Variants in BICRA observed in about 807,000 individuals in gnomAD.
BICRA encodes the protein BRD4 interacting chromatin remodeling complex associated protein.
A neutral mutation model predicts 96.9 loss-of-function variants in BICRA; 31 were observed. The ratio of observed to expected loss-of-function variants is 0.32; its 90% CI spans 0.24 to 0.43. BICRA has a LOEUF of 0.43. BICRA is among the 20% of genes least tolerant of loss of function. The pLI is 1.00. For missense variants in BICRA, 2,283 were observed against 2,190.3 expected (o/e 1.04, Z -0.84); for synonymous variants, 1,350 against 1,071.8 (o/e 1.26, Z -5.07).
chr19:47,701,358 G>T lies in BICRA; in HGVS notation c.3626G>T (p.Gly1209Val). 6.2e-7 allele frequency: 1 copy of T among 1,611,482 alleles called. No homozygotes were observed. Reference protein sequence around the residue: ...DEYVSSSRSLGLPIAASSEGH... With the variant: ...DEYVSSSRSLVLPIAASSEGH... Reference sequence around the variant, plus strand: ...TACGTGTCTTCCTCCCGCTCGCTCGGCCTCCCCATCGCAGCCTCTTCCGAG... The same window carrying T: ...TACGTGTCTTCCTCCCGCTCGCTCGTCCTCCCCATCGCAGCCTCTTCCGAG... Residue 1209 changes from glycine (G) to valine (V), a missense_variant, in exon 15 of 15, where the codon GGC becomes GTC. Coordinates refer to ENST00000594866, the MANE Select transcript of BICRA (RefSeq NM_001394372.1). This position sits in a 1 kb window ranked among gnomAD's most constrained non-coding sequence, Gnocchi z 5.4.
At chr19:47,635,083 T>A (rs191404864) in intron 1 of BICRA, among the ~76,000 whole-genome samples, 205 of 152,056 alleles carry the variant, frequency 1.3e-3, no homozygotes, top group African/African-American at 4.7e-3. Context: ...GCTTTTAGAA[T>A]AATGCCTGAT....
chr19:47,641,856 A>G (rs1456222055), intron 1 of BICRA, among the ~76,000 whole-genome samples: 3 of 151,990 alleles, frequency 2.0e-5, no homozygotes, highest in African/African-American at 7.2e-5. Context: ...CTTTCCATTT[A>G]TTTGTGTCTT....
At chr19:47,608,508 G>A (rs945894929), upstream of BICRA, 1 of 152,222 alleles carries the variant, frequency 6.6e-6, no homozygotes, top group Non-Finnish European at 1.5e-5. Context: ...CCGCCTCAGG[G>A]GACGCGCCCA....
Position 47,680,388 on chromosome 19 carries a change from C to T in BICRA, c.1218C>T (p.Gly406=), listed in dbSNP as rs751290699. 4 of 1,532,370 alleles carry T rather than the reference C, an allele frequency of 2.6e-6. No individual in the cohort carries two copies. In the East Asian group the frequency reaches 9.8e-5, roughly 38 times the overall value. The allele number at this position is 1,532,370 out of a possible 1,614,324, so 94.9% of individuals were successfully genotyped here. A position where few individuals can be genotyped will look rare whatever the true frequency, so the allele number is the denominator to read the frequency against. ...CGTTCATGGCGGCGGGGAAGGCGGG[C>T]CAGAACGTGGTGCTGTCGGGCTTCC... ...NLTFMAAGKA[G]QNVVLSGFPA... is the part of the protein sequence containing the mutation. The change falls in exon 6 of 15, where the codon GGC becomes GGT. Residue 406 remains glycine (G), a synonymous_variant. Transcript: ENST00000594866.
intron 1 of BICRA, among the ~76,000 whole-genome samples, chr19:47,635,064 A>G (rs924116496): frequency 3.3e-5 from 5 of 152,162 alleles, no homozygotes; most frequent in Admixed American, 6.6e-5. Flanking sequence ...TCCTGGCCAC[A>G]TACGTAAAGC....
intron 1 of BICRA, among the ~76,000 whole-genome samples, chr19:47,654,770 T>C (rs910885535): frequency 1.4e-5 from 2 of 144,464 alleles, no homozygotes; most frequent in Non-Finnish European, 3.0e-5. Flanking sequence ...CTGGGCAACA[T>C]AGCAAGACTC....
chr19:47,611,966 G>T (rs908287562), intron 1 of BICRA, among the ~76,000 whole-genome samples: 4 of 151,832 alleles, frequency 2.6e-5, no homozygotes, highest in Middle Eastern at 3.2e-3. Context: ...TGCCTCCCAG[G>T]TTCAAGCGAT....
intron 1 of BICRA, among the ~76,000 whole-genome samples, chr19:47,654,411 G>T (rs555747970): frequency 2.0e-5 from 3 of 151,086 alleles, no homozygotes; most frequent in South Asian, 2.1e-4. Context: ...TCCTGCCCAA[G>T]AAATTAAAAA....
At chr19:47,685,947 GTTTT>G (rs57184017) in intron 7 of BICRA, among the ~76,000 whole-genome samples, 1 of 138,640 alleles carries the variant, frequency 7.2e-6, no homozygotes, top group Non-Finnish European at 1.6e-5. Context: ...ATAAGAATTT[GTTTT>G]TTTTTTTTTT....
At chr19:47,696,853 G>A (rs1312623442) in intron 11 of BICRA, among the ~76,000 whole-genome samples, 2 of 152,048 alleles carry the variant, frequency 1.3e-5, no homozygotes, top group Admixed American at 6.6e-5. Context: ...TGATGGGTGG[G>A]GGAAGTGAGT....
At chr19:47,622,122 A>C (rs1972073860) in intron 1 of BICRA, among the ~76,000 whole-genome samples, 1 of 151,936 alleles carries the variant, frequency 6.6e-6, no homozygotes. Flanking sequence ...CTGCACCACC[A>C]TGCCCAGCTA....
chr19:47,644,682 G>A (rs1972434049), intron 1 of BICRA, among the ~76,000 whole-genome samples: 2 of 151,924 alleles, frequency 1.3e-5, no homozygotes, highest in Non-Finnish European at 2.9e-5. Context: ...TGTATTTTTA[G>A]TAGAGATGAG....
At chr19:47,631,753 A>G (rs2914011) in intron 1 of BICRA, among the ~76,000 whole-genome samples, 27,865 of 152,048 alleles carry the variant, frequency 0.18, 2,938 homozygotes, top group Middle Eastern at 0.25. Flanking sequence ...GGTTCAAGCA[A>G]TTCTCCTGAC....
In BICRA at chr19:47,681,041, C is replaced by A. The variant is rs763451029; in HGVS notation, c.1871C>A (p.Ala624Asp). The A allele has an allele frequency of 1.4e-6, 2 of 1,413,824 alleles. No homozygotes were observed. The highest frequency in any genetic ancestry group is 3.0e-5 in the East Asian group (1 of 33,458). 87.6% of individuals were successfully genotyped at this position (1,413,824 alleles called of 1,614,324 possible). ...GCGCCTGTCCTCACGGTGCAGCCTG[C>A]CCCCCAGGCGCCCCCCGCGGTCAGC... is the stretch of plus-strand genomic sequence containing the variant. ...EAAPVLTVQPAPQAPPAVSTP... is the reference protein window; with the variant it reads ...EAAPVLTVQPDPQAPPAVSTP... Residue 624 changes from alanine to aspartate, a missense_variant, in exon 6 of 15, where the codon GCC becomes GAC. Coordinates refer to ENST00000594866, the MANE Select transcript of BICRA (RefSeq NM_001394372.1).
chr19:47,673,809 T>G (rs1196020484), intron 4 of BICRA, 47 bp downstream of exon 4: 1 of 1,484,952 alleles, frequency 6.7e-7, no homozygotes, highest in East Asian at 2.3e-5. Context: ...GGGGGCTGTC[T>G]AATTGGGAGT....
intron 1 of BICRA, among the ~76,000 whole-genome samples, chr19:47,646,181 G>A (rs1972456378): frequency 6.7e-6 from 1 of 150,100 alleles, no homozygotes; most frequent in Non-Finnish European, 1.5e-5. Context: ...GGATCTGGCA[G>A]GGGGTGGAGG....
intron 14 of BICRA, chr19:47,700,510 T>C (rs1973423379): frequency 2.6e-5 from 4 of 152,304 alleles, no homozygotes; most frequent in South Asian, 4.2e-4. Context: ...AATAACCTCA[T>C]GTAGCCGGGT....
At position 47,679,973 on chromosome 19, in the gene BICRA, G is replaced by T; in HGVS notation, c.803G>T (p.Gly268Val). The change falls in exon 6 of 15, where the codon GGC becomes GTC. Residue 268 changes from glycine to valine, a missense_variant. Transcript: ENST00000594866. The part of the protein sequence containing the change: ...PVSGYLASAA[G>V]PSEPVTLASA... The stretch of plus-strand genomic sequence containing the variant: ...AGCGGCTACCTGGCCTCGGCGGCTG[G>T]CCCCTCGGAGCCCGTGACGCTGGCG... The T allele has an allele frequency of 6.8e-7, 1 of 1,478,220 alleles. No individual in the cohort carries two copies. The highest frequency in any genetic ancestry group is 2.5e-5 in the Admixed American group (1 of 40,364). 91.6% of individuals were successfully genotyped at this position (1,478,220 alleles called of 1,614,324 possible). A position where few individuals can be genotyped will look rare whatever the true frequency, so the allele number is the denominator to read the frequency against.
intron 1 of BICRA, among the ~76,000 whole-genome samples, chr19:47,660,742 GCAT>G (rs1353565742): frequency 6.6e-6 from 1 of 152,168 alleles, no homozygotes; most frequent in Non-Finnish European, 1.5e-5. Flanking sequence ...GGCCAGGCTG[GCAT>G]CATCATGTAG....
Sources: allele counts gnomAD v4.1 joint callset (sites outside exome capture counted in the v4.1 genomes callset), GRCh38; gene constraint gnomAD v4.1.1; non-coding constraint Gnocchi (gnomAD v3.1); transcripts MANE v1.5; gene names NCBI Gene and HGNC (gene_info 2026-07-23, HGNC 2026-07-21).